Variants in STK39 observed in about 807,000 individuals in gnomAD.
STK39 encodes the protein STE20/SPS1-related proline-alanine-rich protein kinase.
STK39 carries 20 observed loss-of-function variants against 77.8 expected under a neutral mutation model. The ratio of observed to expected loss-of-function variants is 0.26; its 90% CI spans 0.18 to 0.37. STK39 has a LOEUF of 0.37. Ranked by LOEUF, STK39 falls within the 10% of genes least tolerant of loss-of-function variation. STK39 has a pLI of 1.00. For missense variants in STK39, 479 were observed against 656.5 expected, an observed-to-expected ratio of 0.73 and a Z score of 2.95; for synonymous variants, 246 against 234.1, an observed-to-expected ratio of 1.05 and a Z score of -0.47.
chr2:167,993,938 T>C (rs1197499452), intron 16 of STK39, among the ~76,000 whole-genome samples: 3 of 152,206 alleles, frequency 2.0e-5, no homozygotes, highest in Non-Finnish European at 4.4e-5. Context: ...TTGAAAGGGA[T>C]GTTAATAGGC....
In STK39 at chr2:168,135,474, A is replaced by G. The variant is rs1176928795; in HGVS notation, c.974+2614T>C. 3.3e-5 allele frequency among the ~76,000 whole-genome samples: 5 copies of G among 152,186 alleles called. No homozygotes were observed. In the East Asian group the frequency reaches 5.8e-4, roughly 18 times the overall value. On this transcript the variant is annotated intron_variant, in intron 8 of 17. Transcript: ENST00000355999. ...AGAGCTAGGAATCCCACCCACAGGTATGTAACTCTAGGAGGATGTGGCATC... is the reference window on the plus strand; with the variant it reads ...AGAGCTAGGAATCCCACCCACAGGTGTGTAACTCTAGGAGGATGTGGCATC...
In STK39 at chr2:168,040,299, C is replaced by A. The variant is rs188519739; in HGVS notation, c.1376+23201G>T. Among the ~76,000 whole-genome samples, 336 of 151,906 alleles carry A rather than the reference C, an allele frequency of 2.2e-3. 4 individuals carry two copies. Among genetic ancestry groups the A allele is most frequent in the African/African-American group, 7.8e-3 (324 of 41,444 alleles). On this transcript the variant is annotated intron_variant, in intron 14 of 17. Transcript: ENST00000355999. Reference sequence around the variant, plus strand: ...CAAAAGGGCTGAATCAACAAGGATGCCAAAAAAATTACCATAGGTTCCAAG... The same window carrying A: ...CAAAAGGGCTGAATCAACAAGGATGACAAAAAAATTACCATAGGTTCCAAG...
At chr2:168,034,127 A>T (rs1415606057) in intron 14 of STK39, among the ~76,000 whole-genome samples, 2 of 152,206 alleles carry the variant, frequency 1.3e-5, no homozygotes, top group Non-Finnish European at 2.9e-5. Flanking sequence ...AACCCAACAT[A>T]CATAACAAGA....
At chr2:167,963,915 C>G (rs1440499323) in intron 17 of STK39, among the ~76,000 whole-genome samples, 3 of 152,174 alleles carry the variant, frequency 2.0e-5, no homozygotes, top group Admixed American at 6.5e-5. Context: ...TTCTGACCAG[C>G]CTTTGATAAA....
intron 10 of STK39, among the ~76,000 whole-genome samples, chr2:168,120,395 C>T (rs1384550278): frequency 7.9e-5 from 12 of 152,206 alleles, no homozygotes; most frequent in Admixed American, 6.5e-4. Flanking sequence ...CATACCAAAG[C>T]GCTTATTCTC....
At chr2:168,191,761 T>C (rs1005022497) in intron 1 of STK39, among the ~76,000 whole-genome samples, 3 of 152,060 alleles carry the variant, frequency 2.0e-5, no homozygotes, top group African/African-American at 7.2e-5. Context: ...ATTAGGAAAA[T>C]GGAAGCAATA....
intron 14 of STK39, among the ~76,000 whole-genome samples, chr2:168,042,340 T>C (rs889922916): frequency 5.9e-5 from 9 of 152,202 alleles, no homozygotes; most frequent in Admixed American, 1.3e-4. Context: ...ATTTCTAGGG[T>C]ATCTCTCTGT....
chr2:168,084,269 A>G (rs886750061), intron 10 of STK39, among the ~76,000 whole-genome samples: 12 of 152,242 alleles, frequency 7.9e-5, no homozygotes, highest in Admixed American at 3.3e-4. Context: ...AAGGCCTGAA[A>G]GAAATCAGCA....
intron 14 of STK39, among the ~76,000 whole-genome samples, chr2:168,039,689 C>T (rs1471033228): frequency 6.6e-6 from 1 of 151,528 alleles, no homozygotes; most frequent in African/African-American, 2.4e-5. Flanking sequence ...CACAAGGAAA[C>T]TTCTCAGGGA....
intron 10 of STK39, among the ~76,000 whole-genome samples, chr2:168,108,652 C>T (rs964136448): frequency 6.6e-6 from 1 of 152,160 alleles, no homozygotes; most frequent in Non-Finnish European, 1.5e-5. Context: ...GTCATTCCCC[C>T]CTTCAGCAGG....
At chr2:168,149,385 A>G (rs1003589634) in intron 5 of STK39, among the ~76,000 whole-genome samples, 1 of 152,220 alleles carries the variant, frequency 6.6e-6, no homozygotes, top group African/African-American at 2.4e-5. Flanking sequence ...GTGCTGCCCA[A>G]TCCCCACTGG....
chr2:167,985,583 T>C (rs940322768), intron 16 of STK39, among the ~76,000 whole-genome samples: 3 of 152,220 alleles, frequency 2.0e-5, no homozygotes, highest in Admixed American at 6.5e-5. Context: ...GTACACTGGC[T>C]ACAGCTTCAC....
chr2:168,051,124 GCAAA>G (rs1006126334), intron 14 of STK39, among the ~76,000 whole-genome samples: 1 of 152,248 alleles, frequency 6.6e-6, no homozygotes, highest in African/African-American at 2.4e-5. Context: ...AAATAACTCT[GCAAA>G]CAGTCTCCAG....
Position 168,045,253 on chromosome 2 carries a change from G to C in STK39, c.1376+18247C>G, listed in dbSNP as rs142148205. Among the ~76,000 whole-genome samples, 469 of 152,010 alleles carry C rather than the reference G, an allele frequency of 3.1e-3. 3 individuals are homozygous for C. Among genetic ancestry groups the C allele is most frequent in the African/African-American group, 0.01 (432 of 41,440 alleles). Reference sequence around the variant, plus strand: ...CTTCTTCCATTCCTCCCACACCCTGGGTGTTTCCTCTTCTTTTAACCTGCA... The same window carrying C: ...CTTCTTCCATTCCTCCCACACCCTGCGTGTTTCCTCTTCTTTTAACCTGCA... On this transcript the variant is annotated intron_variant, in intron 14 of 17. Transcript: ENST00000355999.
At chr2:168,152,695 C>A (rs1370242401) in intron 5 of STK39, among the ~76,000 whole-genome samples, 2 of 152,166 alleles carry the variant, frequency 1.3e-5, no homozygotes. Context: ...GCTGAACTGA[C>A]AGAGTTGCTG....
chr2:168,056,342 A>G (rs1283916796), intron 14 of STK39, among the ~76,000 whole-genome samples: 5 of 149,080 alleles, frequency 3.4e-5, no homozygotes, highest in African/African-American at 9.9e-5. Context: ...TTCCGGGGGG[A>G]GGGGGAGGGG....
At chr2:168,188,520 C>G (rs115927423) in intron 1 of STK39, among the ~76,000 whole-genome samples, 115 of 152,260 alleles carry the variant, frequency 7.6e-4, no homozygotes, top group Non-Finnish European at 1.3e-3. Flanking sequence ...TACTGCTATT[C>G]GCCTTCAAAG....
At chr2:168,109,966 G>A (rs1381909035) in intron 10 of STK39, among the ~76,000 whole-genome samples, 2 of 152,114 alleles carry the variant, frequency 1.3e-5, no homozygotes, top group South Asian at 2.1e-4. Flanking sequence ...CCTTAAAAAT[G>A]TCTTTTCCCA....
intron 10 of STK39, among the ~76,000 whole-genome samples, chr2:168,094,078 T>TCCTCCCCAGC (rs1205170627): frequency 1.3e-5 from 2 of 152,004 alleles, no homozygotes; most frequent in African/African-American, 2.4e-5. Context: ...CTTCACAGGG[T>TCCTCCCCAGC]CCTCCCCAGC....
Sources: gnomAD v4.1 joint callset for allele counts (sites outside exome capture counted in the v4.1 genomes callset) on GRCh38, gnomAD v4.1.1 for gene constraint, MANE v1.5 for transcripts, NCBI Gene and HGNC (gene_info 2026-07-23, HGNC 2026-07-21) for gene names.